Variants in CTDSPL2 observed in about 807,000 individuals in gnomAD.
CTDSPL2 encodes the protein CTD small phosphatase-like protein 2.
CTDSPL2 carries 5 observed loss-of-function variants against 60.0 expected under a neutral mutation model. That is an observed-to-expected ratio of 0.08 (90% CI 0.04 to 0.18). CTDSPL2 has a LOEUF of 0.18. CTDSPL2 is among the 10% of genes least tolerant of loss of function. The pLI is 1.00. For synonymous variants in CTDSPL2, 186 were observed against 189.3 expected (o/e 0.98, Z 0.14); for missense variants, 370 against 548.8 (o/e 0.67, Z 3.26).
Position 44,459,002 on chromosome 15 carries a change from G to A in CTDSPL2, c.-13G>A. 2 of 1,502,970 alleles carry A rather than the reference G, an allele frequency of 1.3e-6. No individual in the cohort carries two copies. Among genetic ancestry groups the A allele is most frequent in the Middle Eastern group, 1.8e-4 (1 of 5,580 alleles). 93.1% of individuals were successfully genotyped at this position (1,502,970 alleles called of 1,614,324 possible). A position where few individuals can be genotyped will look rare whatever the true frequency, so the allele number is the denominator to read the frequency against. On this transcript the variant is annotated 5_prime_UTR_variant, in exon 2 of 13. An upstream open reading frame in the 5' UTR gains an earlier in-frame stop. Transcript: ENST00000260327. ...TTTTTCTCTTTTAGTTTTACATGTG[G>A]CACCCATAAAAGATGAGGCTGAGAA...
chr15:44,497,094 T>C lies in CTDSPL2; in HGVS notation c.838T>C (p.Leu280=). 1.9e-6 allele frequency: 3 copies of C among 1,611,624 alleles called. No homozygotes were observed. The highest frequency in any genetic ancestry group is 1.1e-5 in the South Asian group (1 of 91,016). ...ACTAAATAGGAAACCTGCTCTTCCG[T>C]TGAAAACAAGAAGCACACCGGAATT... ...EQLNRKPALP[L]KTRSTPEFSL... The change falls in exon 7 of 13, where the codon TTG becomes CTG. Residue 280 remains leucine (L), a synonymous_variant. Coordinates refer to ENST00000260327, the MANE Select transcript of CTDSPL2 (RefSeq NM_016396.3).
At chr15:44,522,245 G>T (rs1279284951) in intron 12 of CTDSPL2, among the ~76,000 whole-genome samples, 1 of 152,016 alleles carries the variant, frequency 6.6e-6, no homozygotes. Context: ...TGTTTCCCAG[G>T]CTGGTCTTGA....
At chr15:44,461,565 T>G (rs566590028) in intron 2 of CTDSPL2, among the ~76,000 whole-genome samples, 2 of 150,646 alleles carry the variant, frequency 1.3e-5, no homozygotes, top group East Asian at 3.9e-4. Flanking sequence ...TTTTTAAAGT[T>G]TCTCTCCCTT....
intron 1 of CTDSPL2, among the ~76,000 whole-genome samples, chr15:44,446,298 C>G (rs1595703504): frequency 6.6e-6 from 1 of 152,092 alleles, no homozygotes; most frequent in Non-Finnish European, 1.5e-5. Flanking sequence ...AAAAATTACC[C>G]ATTCCAATGG....
intron 12 of CTDSPL2, among the ~76,000 whole-genome samples, chr15:44,522,184 C>T (rs1004503151): frequency 6.6e-6 from 1 of 152,000 alleles, no homozygotes; most frequent in African/African-American, 2.4e-5. Flanking sequence ...TAGGCATGTG[C>T]GACCATGCCT....
chr15:44,519,089 C>T lies in CTDSPL2; in HGVS notation c.1113-80C>T, dbSNP rs2081710430. On this transcript the variant is annotated intron_variant, in intron 10 of 12. Coordinates refer to ENST00000260327, the MANE Select transcript of CTDSPL2 (RefSeq NM_016396.3). The stretch of plus-strand genomic sequence containing the variant: ...AATCATATGGCTTAAACTATAAAGC[C>T]TATGGTGTATATATATGTGTATATG... The T allele has an allele frequency of 1.1e-5, 10 of 893,182 alleles. No individual in the cohort carries two copies. The South Asian group carries it at 2.6e-4, about 24-fold the overall frequency. The allele number at this position is 893,182 out of a possible 1,614,324, so 55.3% of individuals were successfully genotyped here.
chr15:44,456,360 C>G (rs2080440456), intron 1 of CTDSPL2, among the ~76,000 whole-genome samples: 1 of 152,160 alleles, frequency 6.6e-6, no homozygotes, highest in South Asian at 2.1e-4. Context: ...CGCTGTGAAT[C>G]CATCTGGTCC....
chr15:44,477,537 T>TAA (rs58856492), intron 2 of CTDSPL2, among the ~76,000 whole-genome samples: 5 of 132,286 alleles, frequency 3.8e-5, no homozygotes, highest in Non-Finnish European at 6.5e-5. Flanking sequence ...CCTGTCTTTT[T>TAA]AAAAAAAAAA....
chr15:44,480,750 T>C (rs1226523515), intron 2 of CTDSPL2, among the ~76,000 whole-genome samples: 1 of 151,968 alleles, frequency 6.6e-6, no homozygotes, highest in Non-Finnish European at 1.5e-5. Context: ...GGAAGAATGC[T>C]TGAGCTTACG....
Position 44,526,899 on chromosome 15 carries a change from G to A in CTDSPL2, c.*2725G>A, listed in dbSNP as rs562202066. ...TGACCTGTATACACATTACAACTCT[G>A]GAGTACATATTAAAGTCGTGCTATT... On this transcript the variant is annotated 3_prime_UTR_variant, in exon 13 of 13. Transcript: ENST00000260327. 2.0e-5 allele frequency: 3 copies of A among 152,630 alleles called. No individual in the cohort carries two copies. Among genetic ancestry groups the A allele is most frequent in the African/African-American group, 7.2e-5 (3 of 41,542 alleles). 9.5% of individuals were successfully genotyped at this position (152,630 alleles called of 1,614,324 possible). A position where few individuals can be genotyped will look rare whatever the true frequency, so the allele number is the denominator to read the frequency against.
chr15:44,458,123 T>G (rs1396542401), intron 1 of CTDSPL2, among the ~76,000 whole-genome samples: 1 of 152,206 alleles, frequency 6.6e-6, no homozygotes, highest in African/African-American at 2.4e-5. Flanking sequence ...TACTAGTCCT[T>G]TTTTCATTTT....
At chr15:44,474,630 C>T (rs966995272) in intron 2 of CTDSPL2, among the ~76,000 whole-genome samples, 3 of 151,832 alleles carry the variant, frequency 2.0e-5, no homozygotes, top group Non-Finnish European at 2.9e-5. Flanking sequence ...CTGAGGCAGG[C>T]GGATCACCTG....
chr15:44,489,756 C>T (rs115191336), intron 4 of CTDSPL2, among the ~76,000 whole-genome samples: 36 of 152,294 alleles, frequency 2.4e-4, no homozygotes, highest in African/African-American at 8.7e-4. Flanking sequence ...ATGTATTAAA[C>T]TTCTTTGCGA....
intron 5 of CTDSPL2, among the ~76,000 whole-genome samples, chr15:44,495,923 A>T (rs900801867): frequency 6.6e-6 from 1 of 150,812 alleles, no homozygotes; most frequent in African/African-American, 2.4e-5. Context: ...ACAGATCGAG[A>T]CTCCATCTCA....
intron 8 of CTDSPL2, among the ~76,000 whole-genome samples, chr15:44,511,914 G>A (rs1161193956): frequency 3.3e-5 from 5 of 151,170 alleles, no homozygotes; most frequent in Non-Finnish European, 7.4e-5. Flanking sequence ...ACTTAGTCGG[G>A]TGTGATGGGT....
chr15:44,492,476 A>G (rs1029178090), intron 5 of CTDSPL2, among the ~76,000 whole-genome samples: 3 of 152,200 alleles, frequency 2.0e-5, no homozygotes, highest in Admixed American at 1.3e-4. Context: ...ATTTTGACCT[A>G]TGATATTTGT....
chr15:44,446,531 A>G (rs1213477420), intron 1 of CTDSPL2, among the ~76,000 whole-genome samples: 3 of 151,902 alleles, frequency 2.0e-5, no homozygotes, highest in African/African-American at 7.2e-5. Flanking sequence ...TTGGGAGGCC[A>G]AGGCAGGAGA....
intron 1 of CTDSPL2, among the ~76,000 whole-genome samples, chr15:44,446,636 T>A (rs116079505): frequency 0.12 from 15,377 of 125,724 alleles, 1,630 homozygotes; most frequent in African/African-American, 0.29. Flanking sequence ...TCTCAAACAA[T>A]CAAACAAACA....
chr15:44,481,728 C>T (rs2081030324), intron 2 of CTDSPL2, among the ~76,000 whole-genome samples: 1 of 152,130 alleles, frequency 6.6e-6, no homozygotes, highest in Non-Finnish European at 1.5e-5. Flanking sequence ...TATGTACCAC[C>T]ATGCCTGGCT....
Sources: gnomAD v4.1 joint callset for allele counts (sites outside exome capture counted in the v4.1 genomes callset) on GRCh38, gnomAD v4.1.1 for gene constraint, MANE v1.5 for transcripts, NCBI Gene and HGNC (gene_info 2026-07-23, HGNC 2026-07-21) for gene names.